The following OPA1 variants were observed in gnomAD, a reference collection of about 807,000 sequenced individuals.
The protein encoded by OPA1 is OPA1 mitochondrial dynamin like GTPase.
Under a neutral mutation model 152.9 loss-of-function variants are expected in OPA1, and 59 were observed. The ratio of observed to expected loss-of-function variants is 0.39; its 90% CI spans 0.31 to 0.48. The LOEUF is 0.48. OPA1 is among the 20% of genes least tolerant of loss of function. The probability of loss-of-function intolerance (pLI) is 0.96; values close to 1 mark genes in which losing one functional copy is unlikely to be tolerated. For synonymous variants in OPA1, 400 were observed against 389.9 expected (o/e 1.03, Z -0.31); for missense variants, 1,008 against 1,216.8 (o/e 0.83, Z 2.55).
In OPA1 at chr3:193,668,572, T is replaced by C. The variant is rs1364005251; in HGVS notation, c.2983+1292T>C. 3 of 1,546,906 alleles carry C rather than the reference T, an allele frequency of 1.9e-6. No homozygotes were observed. In the East Asian group the frequency reaches 7.4e-5, roughly 38 times the overall value. ...CTCACCTGAAGCCAGACCATGCCTT[T>C]GTGGAGATACCCTCTTTACCCTGCC... On this transcript the variant is annotated intron_variant, in intron 29 of 30. Coordinates refer to ENST00000361510, the MANE Select transcript of OPA1 (RefSeq NM_130837.3).
At chr3:193,668,716 G>T in intron 29 of OPA1, 2 of 1,327,924 alleles carry the variant, frequency 1.5e-6, no homozygotes, top group South Asian at 1.5e-5. Context: ...ATTAACACCT[G>T]CAGTAGGCTA....
chr3:193,639,817 G>C (rs1420591935), intron 11 of OPA1, among the ~76,000 whole-genome samples: 4 of 152,246 alleles, frequency 2.6e-5, no homozygotes, highest in Non-Finnish European at 4.4e-5. Flanking sequence ...TTGGGCTAGG[G>C]AAGTAGCAGT....
chr3:193,615,087 T>C, intron 2 of OPA1, 46 bp downstream of exon 2: 2 of 1,376,792 alleles, frequency 1.5e-6, no homozygotes, highest in Non-Finnish European at 2.1e-6. Flanking sequence ...ATATCATGAT[T>C]AAGTTTCTAT....
chr3:193,678,333 T>A (rs1719527827), intron 29 of OPA1, among the ~76,000 whole-genome samples: 1 of 152,164 alleles, frequency 6.6e-6, no homozygotes, highest in Non-Finnish European at 1.5e-5. Flanking sequence ...TTTAACATCC[T>A]TTTCATTATG....
intron 20 of OPA1, chr3:193,648,456 A>AT (rs1390116671): frequency 5.4e-6 from 2 of 369,744 alleles, no homozygotes; most frequent in Non-Finnish European, 9.8e-6. Flanking sequence ...TTTTTCCTTG[A>AT]TTTTAAAATC....
intron 6 of OPA1, among the ~76,000 whole-genome samples, chr3:193,622,226 CTTTTTTTTTT>C (rs758993120): frequency 9.3e-6 from 1 of 107,916 alleles, no homozygotes; most frequent in Non-Finnish European, 1.7e-5. Context: ...TACTCTCATT[CTTTTTTTTTT>C]TTTTTTTTTT....
At chr3:193,633,782 C>CTTGAT in intron 8 of OPA1, among the ~76,000 whole-genome samples, 1 of 152,172 alleles carries the variant, frequency 6.6e-6, no homozygotes. Flanking sequence ...TTCAGGCCAG[C>CTTGAT]CACATTTCAG....
chr3:193,684,321 TC>T (rs1326257098), intron 29 of OPA1, among the ~76,000 whole-genome samples: 6 of 152,112 alleles, frequency 3.9e-5, no homozygotes, highest in Non-Finnish European at 8.8e-5. Flanking sequence ...GAACTGTATG[TC>T]CTCCATACAG....
chr3:193,617,104 C>T (rs982117727), intron 3 of OPA1, 74 bp from the exon 4 acceptor site: 2 of 896,812 alleles, frequency 2.2e-6, no homozygotes, highest in South Asian at 1.4e-5. Context: ...CAAGTTAATA[C>T]TTTAGCCCTT....
chr3:193,602,201 G>C (rs1726571242), intron 1 of OPA1, among the ~76,000 whole-genome samples: 1 of 152,134 alleles, frequency 6.6e-6, no homozygotes, highest in Non-Finnish European at 1.5e-5. Flanking sequence ...TCTCCAACGG[G>C]TATATAGTAC....
intron 1 of OPA1, chr3:193,603,620 A>G (rs564699657): frequency 6.6e-5 from 10 of 152,338 alleles, no homozygotes; most frequent in African/African-American, 2.4e-4. Flanking sequence ...AAGCATGTCT[A>G]CTATCCGTAA....
At chr3:193,634,849 C>G (rs2108999433) in intron 8 of OPA1, among the ~76,000 whole-genome samples, 1 of 152,296 alleles carries the variant, frequency 6.6e-6, no homozygotes, top group Non-Finnish European at 1.5e-5. Context: ...TCAGATATTC[C>G]TCGCTCTTTA....
At position 193,638,051 on chromosome 3, in the gene OPA1, C is replaced by G. The variant is rs552243068; in HGVS notation, c.1135C>G (p.Arg379Gly). The G allele has an allele frequency of 6.2e-7, 1 of 1,613,300 alleles. No homozygotes were observed. Among genetic ancestry groups the G allele is most frequent in the Non-Finnish European group, 8.5e-7 (1 of 1,179,290 alleles). ...FPRGSGEMMT[R>G]SPVKVTLSEG... ...AAGAGGATCTGGGGAGATGATGACA[C>G]GTTCTCCAGTTAAGGTAAGAACATA... Residue 379 changes from arginine to glycine, a missense_variant, in exon 11 of 31, where the codon CGT becomes GGT. Arg to Gly is a moderately radical substitution (Grantham distance 125). This residue lies in a region of OPA1 where 213 missense variants were observed against 291.4 expected (regional missense o/e 0.73). Transcript: ENST00000361510.
chr3:193,694,420 T>A (rs1047520011), intron 30 of OPA1, among the ~76,000 whole-genome samples, 186 bp from the exon 31 acceptor site: 1 of 152,226 alleles, frequency 6.6e-6, no homozygotes, highest in African/African-American at 2.4e-5. Flanking sequence ...GCTTTTAACT[T>A]ATGTTTGATA....
At position 193,697,261 on chromosome 3, in the gene OPA1, C is replaced by A. The variant is rs1048798791; in HGVS notation, c.*2661C>A. On this transcript the variant is annotated 3_prime_UTR_variant, in exon 31 of 31. Coordinates refer to ENST00000361510, the MANE Select transcript of OPA1 (RefSeq NM_130837.3). ...AAAGGGGATCAAAGTAATGGTTTTTCTCTCAGTTCTCTAAGCTGGTCTATG... is the reference window on the plus strand; with the variant it reads ...AAAGGGGATCAAAGTAATGGTTTTTATCTCAGTTCTCTAAGCTGGTCTATG... 1.3e-5 allele frequency: 2 copies of A among 152,176 alleles called. No individual in the cohort carries two copies. The highest frequency in any genetic ancestry group is 6.5e-5 in the Admixed American group (1 of 15,280). The allele number at this position is 152,176 out of a possible 1,614,324, so 9.4% of individuals were successfully genotyped here.
intron 1 of OPA1, among the ~76,000 whole-genome samples, chr3:193,612,587 A>G (rs752320104): frequency 7.9e-5 from 12 of 152,242 alleles, no homozygotes; most frequent in South Asian, 2.1e-4. Flanking sequence ...CTTGCAAACA[A>G]TTTTATCCAA....
Position 193,652,407 on chromosome 3 carries a change from C to A in OPA1, c.2013-2455C>A, listed in dbSNP as rs1352753384. ...AAAACAAACAAACAAAAAAAAAAAA[C>A]CATAGAATATAGGCTGGGAAAATTG... On this transcript the variant is annotated intron_variant, in intron 21 of 30. Coordinates refer to ENST00000361510, the MANE Select transcript of OPA1 (RefSeq NM_130837.3). 5.3e-5 allele frequency among the ~76,000 whole-genome samples: 8 copies of A among 150,276 alleles called. No individual in the cohort carries two copies. The East Asian group carries it at 7.8e-4, about 15-fold the overall frequency.
chr3:193,619,783 T>C (rs1729710053), intron 6 of OPA1: 1 of 152,202 alleles, frequency 6.6e-6, no homozygotes, highest in Non-Finnish European at 1.5e-5. Context: ...ATTATAGTTT[T>C]AATACATCAA....
chr3:193,634,702 C>T (rs1470707566), intron 8 of OPA1, among the ~76,000 whole-genome samples: 1 of 152,148 alleles, frequency 6.6e-6, no homozygotes, highest in East Asian at 1.9e-4. Flanking sequence ...GCCTCTGCGC[C>T]CAGCCTATAT....
Sources: allele counts gnomAD v4.1 joint callset (sites outside exome capture counted in the v4.1 genomes callset), GRCh38; gene constraint gnomAD v4.1.1; regional missense constraint gnomAD v4.1.1; transcripts MANE v1.5; gene names NCBI Gene and HGNC (gene_info 2026-07-23, HGNC 2026-07-21).